Variants in ELL observed in about 807,000 individuals in gnomAD.
The protein encoded by ELL is RNA polymerase II elongation factor ELL.
ELL carries 18 observed loss-of-function variants against 64.0 expected under a neutral mutation model. The observed-to-expected ratio is 0.28, with a 90% CI of 0.19 to 0.42. The LOEUF is 0.42. ELL is among the 10% of genes least tolerant of loss of function. The pLI, the probability that ELL is intolerant of heterozygous loss-of-function variation, is 1.00. For synonymous variants in ELL, 399 were observed against 376.2 expected (o/e 1.06, Z -0.70); for missense variants, 797 against 870.4 (o/e 0.92, Z 1.06).
At chr19:18,468,273 C>A (rs1206972355) in intron 2 of ELL, among the ~76,000 whole-genome samples, 1 of 151,860 alleles carries the variant, frequency 6.6e-6, no homozygotes, top group East Asian at 1.9e-4. Flanking sequence ...AGAAACACAA[C>A]CTCCCACACA....
In ELL at chr19:18,489,370, C is replaced by A. The variant is rs185083091; in HGVS notation, c.136-16488G>T. Among the ~76,000 whole-genome samples the A allele has an allele frequency of 7.7e-4, 118 of 152,308 alleles. 2 individuals are homozygous for A. Among genetic ancestry groups the A allele is most frequent in the African/African-American group, 2.5e-3 (102 of 41,554 alleles). On this transcript the variant is annotated intron_variant, in intron 1 of 11. Coordinates refer to ENST00000262809, the MANE Select transcript of ELL (RefSeq NM_006532.4). Reference sequence around the variant, plus strand: ...CAGATTTAGAGAAAGTCATGCAGGCCTGGGCAGACCTCGGGCTGGCCGCCC... The same window carrying A: ...CAGATTTAGAGAAAGTCATGCAGGCATGGGCAGACCTCGGGCTGGCCGCCC...
In ELL at chr19:18,467,631, C is replaced by CCACACACACA. The variant is rs56351300; in HGVS notation, c.184-1723_184-1714dup. Among the ~76,000 whole-genome samples the CCACACACACA allele has an allele frequency of 6.0e-5, 4 of 66,970 alleles. No individual in the cohort carries two copies. In the Admixed American group the frequency reaches 6.2e-4, roughly 10 times the overall value. 43.9% of individuals were successfully genotyped at this position (66,970 alleles called of 152,430 possible). The stretch of plus-strand genomic sequence containing the variant: ...CTCCCCACCCGCCCCCACCACACAA[C>CCACACACACA]CACACACACACACACACACACACAC... On this transcript the variant is annotated intron_variant, in intron 2 of 11. Coordinates refer to ENST00000262809, the MANE Select transcript of ELL (RefSeq NM_006532.4).
intron 1 of ELL, among the ~76,000 whole-genome samples, chr19:18,476,971 A>G (rs1975189453): frequency 6.6e-6 from 1 of 152,206 alleles, no homozygotes; most frequent in Non-Finnish European, 1.5e-5. Flanking sequence ...TGTGGTATCT[A>G]TAAGCAGAAC....
intron 1 of ELL, among the ~76,000 whole-genome samples, chr19:18,495,825 G>A (rs1568394295): frequency 6.6e-6 from 1 of 152,220 alleles, no homozygotes; most frequent in Admixed American, 6.5e-5. Flanking sequence ...GGGCTGTAGG[G>A]GAGACTTGGA....
At chr19:18,455,995 G>A (rs1431558457) in intron 6 of ELL, among the ~76,000 whole-genome samples, 2 of 151,980 alleles carry the variant, frequency 1.3e-5, no homozygotes, top group Non-Finnish European at 2.9e-5. Flanking sequence ...TACTCTGGAT[G>A]CTGAGGCAGG....
chr19:18,447,926 A>G (rs1410793319), intron 8 of ELL, among the ~76,000 whole-genome samples: 1 of 151,944 alleles, frequency 6.6e-6, no homozygotes, highest in Non-Finnish European at 1.5e-5. Context: ...GTGAGACTAC[A>G]GGCATATGCC....
intron 1 of ELL, among the ~76,000 whole-genome samples, chr19:18,518,997 G>C (rs1976193900): frequency 6.6e-6 from 1 of 152,098 alleles, no homozygotes; most frequent in Non-Finnish European, 1.5e-5. Context: ...GGGAGCCACA[G>C]AGAAAGTTCC....
At chr19:18,479,249 C>T (rs1467055973) in intron 1 of ELL, among the ~76,000 whole-genome samples, 2 of 152,222 alleles carry the variant, frequency 1.3e-5, no homozygotes, top group African/African-American at 4.8e-5. Context: ...AACACAGAAC[C>T]TCCTGCCCCA....
At chr19:18,471,076 A>G (rs1405760680) in intron 2 of ELL, 3 of 433,946 alleles carry the variant, frequency 6.9e-6, no homozygotes, top group Admixed American at 2.8e-5. Context: ...TGGTAACTCT[A>G]AAAGAAAAAA....
Position 18,490,743 on chromosome 19 carries a change from G to C in ELL, c.136-17861C>G, listed in dbSNP as rs141521733. Among the ~76,000 whole-genome samples the C allele has an allele frequency of 2.8e-4, 43 of 152,122 alleles. 2 individuals carry two copies. In the East Asian group the frequency reaches 8.3e-3, roughly 29 times the overall value. ...CTGACGGCCCAGACAGCGCTGCCCC[G>C]TGCCACAACCCTCCTCCCCTCAAAT... On this transcript the variant is annotated intron_variant, in intron 1 of 11. Coordinates refer to ENST00000262809, the MANE Select transcript of ELL (RefSeq NM_006532.4).
At chr19:18,521,286 A>T (rs1417635732) in intron 1 of ELL, among the ~76,000 whole-genome samples, 1 of 152,126 alleles carries the variant, frequency 6.6e-6, no homozygotes, top group Non-Finnish European at 1.5e-5. Flanking sequence ...ACAAGCTGTC[A>T]GTTTCTGCCC....
Position 18,465,890 on chromosome 19 carries a change from G to C in ELL, c.212C>G (p.Pro71Arg). The C allele has an allele frequency of 7.5e-7, 1 of 1,329,756 alleles. No homozygotes were observed. Among genetic ancestry groups the C allele is most frequent in the Non-Finnish European group, 9.7e-7 (1 of 1,031,374 alleles). The allele number at this position is 1,329,756 out of a possible 1,614,324, so 82.4% of individuals were successfully genotyped here. ...GHISIPQPDC[P>R]AEARTFSFYL... ...GAAGGAGAACGTCCGCGCCTCTGCG[G>C]GGCAGTCAGGCTGGGGGATGGAGAT... Residue 71 changes from proline to arginine, a missense_variant, in exon 3 of 12, where the codon CCC becomes CGC. Transcript: ENST00000262809.
chr19:18,503,757 C>T (rs1975828328), intron 1 of ELL, among the ~76,000 whole-genome samples: 1 of 152,196 alleles, frequency 6.6e-6, no homozygotes, highest in East Asian at 1.9e-4. Flanking sequence ...GGCTCAGAAA[C>T]ACCACCCTTC....
chr19:18,454,201 TA>T (rs1974602741), intron 6 of ELL, among the ~76,000 whole-genome samples: 1 of 152,166 alleles, frequency 6.6e-6, no homozygotes, highest in Non-Finnish European at 1.5e-5. Flanking sequence ...TGTTATTCTT[TA>T]AAAAACATCC....
At chr19:18,511,923 G>A (rs868722024) in intron 1 of ELL, among the ~76,000 whole-genome samples, 35 of 151,870 alleles carry the variant, frequency 2.3e-4, no homozygotes, top group Middle Eastern at 3.4e-3. Flanking sequence ...CTGGGAGGCC[G>A]AGGTGGATGG....
chr19:18,520,765 G>A (rs1359469640), intron 1 of ELL, among the ~76,000 whole-genome samples: 1 of 143,406 alleles, frequency 7.0e-6, no homozygotes, highest in Non-Finnish European at 1.5e-5. Context: ...CACGCAGGGA[G>A]CAGGGCTCTC....
intron 2 of ELL, among the ~76,000 whole-genome samples, chr19:18,466,527 C>G (rs1333065435): frequency 6.6e-6 from 1 of 152,224 alleles, no homozygotes; most frequent in South Asian, 2.1e-4. Flanking sequence ...GTCACACCAG[C>G]CTGACTTTGG....
chr19:18,462,336 T>G (rs1163037656), intron 4 of ELL, among the ~76,000 whole-genome samples: 4 of 56,120 alleles, frequency 7.1e-5, no homozygotes, highest in African/African-American at 4.8e-4. Flanking sequence ...TCTAGTGGGC[T>G]GTGTGTGTGT....
chr19:18,451,674 C>T (rs1390270822), intron 6 of ELL, 26 bp from the exon 7 acceptor site: 1 of 1,477,510 alleles, frequency 6.8e-7, no homozygotes, highest in East Asian at 2.8e-5. Flanking sequence ...AGGGCTAGGT[C>T]AGAAGGTGCT....
Sources: allele counts gnomAD v4.1 joint callset (sites outside exome capture counted in the v4.1 genomes callset), GRCh38; gene constraint gnomAD v4.1.1; transcripts MANE v1.5; gene names NCBI Gene and HGNC (gene_info 2026-07-23, HGNC 2026-07-21).